Variants in CYP3A5 observed in about 807,000 individuals in gnomAD.
The protein encoded by CYP3A5 is cytochrome P450 3A5.
CYP3A5 carries 51 observed loss-of-function variants against 55.9 expected under a neutral mutation model. The ratio of observed to expected loss-of-function variants is 0.91; its 90% CI spans 0.73 to 1.15. The LOEUF is 1.15. CYP3A5 is among the 50% of genes most tolerant of loss of function. The pLI, the probability that CYP3A5 is intolerant of heterozygous loss-of-function variation, is 0.00. For missense variants in CYP3A5, 533 were observed against 596.6 expected, an observed-to-expected ratio of 0.89 and a Z score of 1.11; for synonymous variants, 196 against 213.9, an observed-to-expected ratio of 0.92 and a Z score of 0.73.
rs751478483 is a variant in CYP3A5 at position 99,662,776 on chromosome 7, G to C, written c.865+40C>G. 6.3e-7 allele frequency: 1 copy of C among 1,576,192 alleles called. No homozygotes were observed. On this transcript the variant is annotated intron_variant, in intron 9 of 12. Coordinates refer to ENST00000222982, the MANE Select transcript of CYP3A5 (RefSeq NM_000777.5). This position sits in a 1 kb window ranked among gnomAD's most constrained non-coding sequence, Gnocchi z 4.3. The stretch of plus-strand genomic sequence containing the variant: ...TTTCAGAACAAGGCCCTCCCTCTTA[G>C]TGTCCCCGCCAGTAGCCCTCAGAAG...
In CYP3A5 at chr7:99,662,216, G is replaced by A. The variant is rs543613100; in HGVS notation, c.865+600C>T. Among the ~76,000 whole-genome samples, 10 of 152,296 alleles carry A rather than the reference G, an allele frequency of 6.6e-5. No individual in the cohort carries two copies. Among genetic ancestry groups the A allele is most frequent in the Admixed American group, 2.6e-4 (4 of 15,304 alleles). Reference sequence around the variant, plus strand: ...TTTGTGAGATGGTTGCCAAATCTTGGTAGCTTGAAATTGACCATGGTTATC... The same window carrying A: ...TTTGTGAGATGGTTGCCAAATCTTGATAGCTTGAAATTGACCATGGTTATC... On this transcript the variant is annotated intron_variant, in intron 9 of 12. Coordinates refer to ENST00000222982, the MANE Select transcript of CYP3A5 (RefSeq NM_000777.5). The surrounding 1 kb of genome is among the most constrained non-coding windows in gnomAD (Gnocchi z 4.3).
chr7:99,675,620 T>C, intron 2 of CYP3A5, among the ~76,000 whole-genome samples: 1 of 114,122 alleles, frequency 8.8e-6, no homozygotes, highest in Non-Finnish European at 1.8e-5. Flanking sequence ...CTCTCTCCTC[T>C]CCTTTTCTCT....
chr7:99,678,201 C>T (rs1812481824), intron 1 of CYP3A5, among the ~76,000 whole-genome samples: 1 of 152,378 alleles, frequency 6.6e-6, no homozygotes, highest in South Asian at 2.1e-4. Context: ...AGACCACACA[C>T]AGAGTGACAC....
intron 10 of CYP3A5, among the ~76,000 whole-genome samples, chr7:99,658,137 A>G (rs10227637): frequency 0.24 from 37,085 of 151,880 alleles, 8,248 homozygotes; most frequent in African/African-American, 0.59. Context: ...ATGTTAGCTG[A>G]TTATTTTGCT....
rs777815672 is a variant in CYP3A5, at chr7:99,674,551, T to C, written c.200A>G (p.Lys67Arg). Residue 67 changes from lysine (K) to arginine (R), a missense_variant, in exon 3 of 13, where the codon AAG (lysine) becomes AGG (arginine). Coordinates refer to ENST00000222982, the MANE Select transcript of CYP3A5 (RefSeq NM_000777.5). Reference sequence around the variant, plus strand: ...TACTCACCCCCACATTTTTCCATACTTTTTATAGCACTCTGTGTCAAATTT... The same window carrying C: ...TACTCACCCCCACATTTTTCCATACCTTTTATAGCACTCTGTGTCAAATTT... Reference protein sequence around the residue: ...LWKFDTECYKKYGKMWGTYEG... With the variant: ...LWKFDTECYKRYGKMWGTYEG... 6.2e-7 allele frequency: 1 copy of C among 1,613,736 alleles called. No homozygotes were observed. Among genetic ancestry groups the C allele is most frequent in the Admixed American group, 1.7e-5 (1 of 60,008 alleles).
chr7:99,674,363 CA>C, intron 3 of CYP3A5, 169 bp downstream of exon 3: 4 of 501,032 alleles, frequency 8.0e-6, no homozygotes, highest in Middle Eastern at 4.7e-4. Flanking sequence ...ATTCCCATTG[CA>C]ATATTCTACT....
intron 10 of CYP3A5, chr7:99,660,214 CTTTTTTT>C (rs34318418): frequency 5.8e-4 from 250 of 429,692 alleles, no homozygotes; most frequent in East Asian, 4.2e-3. Flanking sequence ...CGCCACACTC[CTTTTTTT>C]TTTTTTTTTT....
chr7:99,676,251 T>TA (rs758864742), intron 1 of CYP3A5, 43 bp from the exon 2 acceptor site: 141 of 1,611,326 alleles, frequency 8.8e-5, no homozygotes, highest in Non-Finnish European at 1.2e-4. Context: ...ATTGTGACTT[T>TA]ATAGATCAGA....
Position 99,652,578 on chromosome 7 carries a change from C to A in CYP3A5, c.1228G>T (p.Glu410Ter). The A allele has an allele frequency of 6.2e-7, 1 of 1,612,350 alleles. No homozygotes were observed. Among genetic ancestry groups the A allele is most frequent in the Non-Finnish European group, 8.5e-7 (1 of 1,178,900 alleles). The part of the protein sequence containing the change: ...ALHHDPKYWT[E>*]PEEFRPERFS... The stretch of plus-strand genomic sequence containing the variant: ...CTTTCAGGGCGGAACTCCTCAGGCT[C>A]TGTCCAGTACTTTGGGTCATGGTGA... Residue 410 changes from glutamate (E) to a stop codon, truncating the protein, a stop_gained, in exon 11 of 13, where the codon GAG becomes TAG. Coordinates refer to ENST00000222982, the MANE Select transcript of CYP3A5 (RefSeq NM_000777.5). LOFTEE classifies it high-confidence loss of function.
intron 1 of CYP3A5, among the ~76,000 whole-genome samples, chr7:99,678,231 A>G (rs1812484103): frequency 6.6e-6 from 1 of 152,234 alleles, no homozygotes; most frequent in South Asian, 2.1e-4. Flanking sequence ...CCCTGTGTCC[A>G]GGCTTGAAGC....
At chr7:99,676,023 G>T in intron 2 of CYP3A5, 92 bp downstream of exon 2, 1 of 1,083,484 alleles carries the variant, frequency 9.2e-7, no homozygotes, top group South Asian at 1.3e-5. Flanking sequence ...TGAAACCTCA[G>T]AACTCCCTCC....
intron 1 of CYP3A5, among the ~76,000 whole-genome samples, chr7:99,677,817 T>C (rs1489903867): frequency 6.6e-6 from 1 of 152,198 alleles, no homozygotes; most frequent in Non-Finnish European, 1.5e-5. Flanking sequence ...TAATCTCTGC[T>C]CCTGAACTTT....
chr7:99,655,432 A>G (rs1254387195), intron 10 of CYP3A5, among the ~76,000 whole-genome samples: 4 of 152,166 alleles, frequency 2.6e-5, no homozygotes, highest in Admixed American at 6.5e-5. Flanking sequence ...TGCTCCATTG[A>G]TCAATATCTC....
chr7:99,650,360 G>T, intron 11 of CYP3A5, 128 bp from the exon 12 acceptor site: 1 of 830,912 alleles, frequency 1.2e-6, no homozygotes, highest in Admixed American at 2.5e-5. Context: ...TACTTTTGTG[G>T]GCTGGTCATT....
chr7:99,676,431 G>T, intron 1 of CYP3A5: 11 of 1,475,568 alleles, frequency 7.5e-6, no homozygotes, highest in Non-Finnish European at 1.0e-5. Flanking sequence ...AGCAGCTGAA[G>T]TCTTCATAGT....
At chr7:99,650,871 T>A (rs1370776854) in intron 11 of CYP3A5, among the ~76,000 whole-genome samples, 4 of 152,200 alleles carry the variant, frequency 2.6e-5, no homozygotes, top group African/African-American at 9.6e-5. Context: ...GCTACCCTAC[T>A]GTAGTGTCAT....
intron 10 of CYP3A5, among the ~76,000 whole-genome samples, chr7:99,656,950 A>T (rs374875945): frequency 6.6e-6 from 1 of 151,744 alleles, no homozygotes; most frequent in Admixed American, 6.6e-5. Flanking sequence ...TTTTTATTGC[A>T]TCTATTTGAT....
intron 4 of CYP3A5, among the ~76,000 whole-genome samples, chr7:99,667,896 A>T (rs898871989): frequency 6.6e-6 from 1 of 152,168 alleles, no homozygotes; most frequent in African/African-American, 2.4e-5. Context: ...AAAAATGCCC[A>T]CTCTCAACAT....
intron 10 of CYP3A5, among the ~76,000 whole-genome samples, chr7:99,657,942 C>T (rs957528437): frequency 6.6e-6 from 1 of 152,106 alleles, no homozygotes; most frequent in Non-Finnish European, 1.5e-5. Context: ...CTTGGTAGAT[C>T]TTCCTCCATC....
Sources: gnomAD v4.1 joint callset for allele counts (sites outside exome capture counted in the v4.1 genomes callset) on GRCh38, gnomAD v4.1.1 for gene constraint, Gnocchi (gnomAD v3.1) non-coding constraint, MANE v1.5 for transcripts, NCBI Gene and HGNC (gene_info 2026-07-23, HGNC 2026-07-21) for gene names.